Variants in USP33 observed in about 807,000 individuals in gnomAD.
USP33 encodes the protein ubiquitin specific peptidase 33.
Under a neutral mutation model 124.2 loss-of-function variants are expected in USP33, and 46 were observed. The observed-to-expected ratio is 0.37, with a 90% CI of 0.29 to 0.47. The LOEUF is 0.47. Among genes scored for constraint, USP33 ranks in the 20% least tolerant of loss-of-function variants. The pLI, the probability that USP33 is intolerant of heterozygous loss-of-function variation, is 0.99. For synonymous variants in USP33, 350 were observed against 352.3 expected (o/e 0.99, Z 0.07); for missense variants, 851 against 1,070.6 (o/e 0.79, Z 2.86).
In USP33 at chr1:77,713,326, T is replaced by C. The variant is rs748319797; in HGVS notation, c.2216-45A>G. On this transcript the variant is annotated intron_variant, in intron 19 of 23. Coordinates refer to ENST00000370794, the MANE Select transcript of USP33 (RefSeq NM_201624.3). Reference sequence around the variant, plus strand: ...TATCTGTTTCATGCTTTTAATTATATTCCTTTCAAACATTAAACTCATTTT... The same window carrying C: ...TATCTGTTTCATGCTTTTAATTATACTCCTTTCAAACATTAAACTCATTTT... The C allele has an allele frequency of 2.0e-6, 3 of 1,495,262 alleles. No individual in the cohort carries two copies. The African/African-American group carries it at 4.4e-5, about 22-fold the overall frequency. The allele number at this position is 1,495,262 out of a possible 1,614,324, so 92.6% of individuals were successfully genotyped here. A position where few individuals can be genotyped will look rare whatever the true frequency, so the allele number is the denominator to read the frequency against.
intron 15 of USP33, among the ~76,000 whole-genome samples, chr1:77,719,752 C>A (rs534266379): frequency 1.3e-5 from 2 of 150,896 alleles, no homozygotes; most frequent in African/African-American, 4.9e-5. Flanking sequence ...ACTCAAGAGG[C>A]TGAGGCAGGG....
At position 77,741,444 on chromosome 1, in the gene USP33, T is replaced by C. The variant is rs747390066; in HGVS notation, c.82-15A>G. On this transcript the variant is annotated splice_polypyrimidine_tract_variant and intron_variant, in intron 2 of 23. Coordinates refer to ENST00000370794, the MANE Select transcript of USP33 (RefSeq NM_201624.3). ...TGACAAGTACCCTATAAAAAGAAATTAAAAAGACAACATTGGTTATATTGA... is the reference window on the plus strand; with the variant it reads ...TGACAAGTACCCTATAAAAAGAAATCAAAAAGACAACATTGGTTATATTGA... 3.7e-6 allele frequency: 6 copies of C among 1,600,112 alleles called. No individual in the cohort carries two copies. The highest frequency in any genetic ancestry group is 2.6e-6 in the Non-Finnish European group (3 of 1,176,206).
intron 1 of USP33, among the ~76,000 whole-genome samples, chr1:77,748,667 CA>C (rs796272242): frequency 0.033 from 2,750 of 83,886 alleles, 76 homozygotes; most frequent in African/African-American, 0.1. Flanking sequence ...GACTCCGTCT[CA>C]AAAAAAAAAA....
chr1:77,728,188 G>A (rs545940282), intron 10 of USP33, 107 bp downstream of exon 10: 54 of 1,269,590 alleles, frequency 4.3e-5, no homozygotes, highest in Non-Finnish European at 5.7e-5. Context: ...TGCAAATACT[G>A]CTAAACTATA....
At chr1:77,726,637 C>A (rs1164967732) in intron 10 of USP33, among the ~76,000 whole-genome samples, 1 of 136,862 alleles carries the variant, frequency 7.3e-6, no homozygotes, top group Non-Finnish European at 1.5e-5. Context: ...CAGAATGAGA[C>A]CCTGTTTCAG....
intron 21 of USP33, among the ~76,000 whole-genome samples, chr1:77,709,405 C>T (rs1361195407): frequency 3.3e-5 from 5 of 151,988 alleles, no homozygotes; most frequent in Admixed American, 1.3e-4. Context: ...GTCCTAGCTA[C>T]TCGGGATGCT....
At position 77,728,629 on chromosome 1, in the gene USP33, C is replaced by T. The variant is rs1005904732; in HGVS notation, c.801G>A (p.Pro267=). ...TTGTCTCCTCAGTGGTTATGGTTTGCGGATCTTCTTCTACTTCCATGACTT... is the reference window on the plus strand; with the variant it reads ...TTGTCTCCTCAGTGGTTATGGTTTGTGGATCTTCTTCTACTTCCATGACTT... ...KEQVMEVEED[P]QTITTEETME... The change falls in exon 10 of 24, where the codon CCG becomes CCA. Residue 267 remains proline, a synonymous_variant. Transcript: ENST00000370794. 65 of 1,613,988 alleles carry T rather than the reference C, an allele frequency of 4.0e-5. No homozygotes were observed. Among genetic ancestry groups the T allele is most frequent in the Non-Finnish European group, 5.4e-5 (64 of 1,180,018 alleles).
At chr1:77,740,343 C>G (rs1179605475) in intron 4 of USP33, among the ~76,000 whole-genome samples, 1 of 151,852 alleles carries the variant, frequency 6.6e-6, no homozygotes, top group East Asian at 1.9e-4. Context: ...CTTCAAATAT[C>G]TGGATATACA....
At chr1:77,749,068 T>C (rs1680040030) in intron 1 of USP33, among the ~76,000 whole-genome samples, 1 of 152,212 alleles carries the variant, frequency 6.6e-6, no homozygotes, top group South Asian at 2.1e-4. Context: ...CATTTTGCTA[T>C]AACAACATCC....
chr1:77,712,558 A>G (rs747586238), intron 20 of USP33, among the ~76,000 whole-genome samples: 7 of 152,190 alleles, frequency 4.6e-5, no homozygotes, highest in Non-Finnish European at 1.0e-4. Flanking sequence ...GGCCAGGCCC[A>G]GTGATGCATG....
At chr1:77,721,994 T>A (rs1272026378) in intron 13 of USP33, 30 bp downstream of exon 13, 2 of 1,605,612 alleles carry the variant, frequency 1.2e-6, no homozygotes, top group Admixed American at 3.5e-5. Context: ...GGTTTAACAA[T>A]CATGTAATAC....
chr1:77,697,285 A>T lies in USP33; in HGVS notation c.*32T>A, dbSNP rs1295780703. 1.9e-6 allele frequency: 3 copies of T among 1,549,408 alleles called. No individual in the cohort carries two copies. The South Asian group carries it at 3.7e-5, about 19-fold the overall frequency. ...GTACATGTCAGGGCACATGAAAATG[A>T]TTCCTCATTAGAACTCTCTACATCC... On this transcript the variant is annotated 3_prime_UTR_variant, in exon 24 of 24. Transcript: ENST00000370794.
At chr1:77,745,074 C>T (rs1679595700) in intron 1 of USP33, among the ~76,000 whole-genome samples, 1 of 152,172 alleles carries the variant, frequency 6.6e-6, no homozygotes, top group African/African-American at 2.4e-5. Context: ...CTTTGTAGGT[C>T]TCTAAGGACT....
intron 15 of USP33, among the ~76,000 whole-genome samples, chr1:77,718,926 CAAA>C (rs1049500513): frequency 1.3e-4 from 7 of 52,510 alleles, no homozygotes; most frequent in Non-Finnish European, 2.0e-4. Context: ...GACCCTGCCT[CAAA>C]AAAAAAAAAA....
chr1:77,750,680 GA>G (rs935566313), intron 1 of USP33, among the ~76,000 whole-genome samples: 2 of 144,520 alleles, frequency 1.4e-5, no homozygotes, highest in Non-Finnish European at 3.1e-5. Context: ...AAGAAAGAAA[GA>G]AAGAAAAAGG....
At chr1:77,723,706 C>G (rs898403801) in intron 11 of USP33, among the ~76,000 whole-genome samples, 1 of 152,024 alleles carries the variant, frequency 6.6e-6, no homozygotes, top group Admixed American at 6.5e-5. Flanking sequence ...CACTGTTGCC[C>G]ACACTGGAGT....
At chr1:77,721,770 A>AG in intron 14 of USP33, 61 bp downstream of exon 14, 1 of 1,420,804 alleles carries the variant, frequency 7.0e-7, no homozygotes, top group Non-Finnish European at 9.6e-7. Context: ...TTTATTATTT[A>AG]GTCCCACTAG....
At chr1:77,734,440 A>G in intron 6 of USP33, 24 bp from the exon 7 acceptor site, 1 of 1,454,342 alleles carries the variant, frequency 6.9e-7, no homozygotes, top group South Asian at 1.2e-5. Flanking sequence ...ATATACATGA[A>G]GTCATCATTC....
chr1:77,759,777 G>A lies in USP33; in HGVS notation c.-186C>T, dbSNP rs983424850. 2 of 397,774 alleles carry A rather than the reference G, an allele frequency of 5.0e-6. No homozygotes were observed. Among genetic ancestry groups the A allele is most frequent in the East Asian group, 3.6e-5 (1 of 28,046 alleles). The allele number at this position is 397,774 out of a possible 1,614,324, so 24.6% of individuals were successfully genotyped here. ...GTCAGGAGGGCCGGAAAACGGCCCC[G>A]CAGCGCTGCCCTCGGGGGGTCCGCC... is the stretch of plus-strand genomic sequence containing the variant. On this transcript the variant is annotated 5_prime_UTR_variant, in exon 1 of 24. Coordinates refer to ENST00000370794, the MANE Select transcript of USP33 (RefSeq NM_201624.3).
Sources: gnomAD v4.1 joint callset for allele counts (sites outside exome capture counted in the v4.1 genomes callset) on GRCh38, gnomAD v4.1.1 for gene constraint, MANE v1.5 for transcripts, NCBI Gene and HGNC (gene_info 2026-07-23, HGNC 2026-07-21) for gene names.